Variants in ZCCHC24 observed in about 807,000 individuals in gnomAD.
ZCCHC24 encodes the protein zinc finger CCHC-type containing 24.
ZCCHC24 carries 10 observed loss-of-function variants against 26.2 expected under a neutral mutation model. The observed-to-expected ratio is 0.38, with a 90% CI of 0.24 to 0.65. ZCCHC24 has a LOEUF of 0.65. ZCCHC24 is among the 30% of genes least tolerant of loss of function. ZCCHC24 has a pLI of 0.54. For missense variants in ZCCHC24, 243 were observed against 329.1 expected (o/e 0.74, Z 2.03); for synonymous variants, 144 against 147.1 (o/e 0.98, Z 0.15).
Position 79,386,324 on chromosome 10 carries a change from T to C in ZCCHC24, c.*21A>G, listed in dbSNP as rs1244715645. ...TCCTCGGGCTGGCGGGGGGTGGCTCTGGGTGCGGGCGGGCAGCCCGTCACT... is the reference window on the plus strand; with the variant it reads ...TCCTCGGGCTGGCGGGGGGTGGCTCCGGGTGCGGGCGGGCAGCCCGTCACT... On this transcript the variant is annotated 3_prime_UTR_variant, in exon 4 of 4. Coordinates refer to ENST00000372336, the MANE Select transcript of ZCCHC24 (RefSeq NM_153367.4). 1.2e-6 allele frequency: 2 copies of C among 1,608,562 alleles called. No individual in the cohort carries two copies. Among genetic ancestry groups the C allele is most frequent in the Middle Eastern group, 1.7e-4 (1 of 6,054 alleles).
intron 1 of ZCCHC24, chr10:79,444,103 G>A: frequency 1.3e-6 from 2 of 1,544,848 alleles, no homozygotes; most frequent in Non-Finnish European, 1.7e-6. Flanking sequence ...AAAACTCACC[G>A]GTGTGCCCAG....
At chr10:79,441,764 A>G (rs1178928155) in intron 1 of ZCCHC24, among the ~76,000 whole-genome samples, 1 of 152,166 alleles carries the variant, frequency 6.6e-6, no homozygotes, top group African/African-American at 2.4e-5. Context: ...GGGTCTCTTG[A>G]CAGTAGGGCC....
At chr10:79,397,393 G>A (rs916903810) in intron 2 of ZCCHC24, among the ~76,000 whole-genome samples, 2 of 152,176 alleles carry the variant, frequency 1.3e-5, no homozygotes, top group Non-Finnish European at 2.9e-5. Flanking sequence ...AGGGGTCAAC[G>A]TGTGCCTCTG....
At chr10:79,388,224 G>A (rs1455837467) in intron 3 of ZCCHC24, among the ~76,000 whole-genome samples, 1 of 152,134 alleles carries the variant, frequency 6.6e-6, no homozygotes, top group African/African-American at 2.4e-5. Context: ...CAAACAGCCC[G>A]GCATGCAGAA....
At chr10:79,410,173 C>G (rs1156251591) in intron 2 of ZCCHC24, among the ~76,000 whole-genome samples, 1 of 152,244 alleles carries the variant, frequency 6.6e-6, no homozygotes, top group Non-Finnish European at 1.5e-5. Flanking sequence ...CTTCATTTGT[C>G]TCTACTCAAG....
chr10:79,430,159 T>G (rs1857106059), intron 2 of ZCCHC24, among the ~76,000 whole-genome samples: 1 of 152,182 alleles, frequency 6.6e-6, no homozygotes. Flanking sequence ...CATGCATAGT[T>G]TCACTATGTC....
intron 2 of ZCCHC24, among the ~76,000 whole-genome samples, chr10:79,400,194 C>T (rs1856610725): frequency 6.6e-6 from 1 of 152,214 alleles, no homozygotes. Flanking sequence ...AAAAAATGTG[C>T]ATTCCTTATC....
intron 2 of ZCCHC24, among the ~76,000 whole-genome samples, chr10:79,409,859 CA>C (rs561335228): frequency 5.9e-5 from 9 of 152,350 alleles, no homozygotes; most frequent in African/African-American, 2.2e-4. Flanking sequence ...TTTGGAGGAG[CA>C]GGGGGAGGAC....
chr10:79,439,350 T>C (rs1378608190), intron 1 of ZCCHC24, among the ~76,000 whole-genome samples: 1 of 152,096 alleles, frequency 6.6e-6, no homozygotes. Context: ...TCGATACATA[T>C]TTTTTTCTGT....
Position 79,394,755 on chromosome 10 carries a change from G to C in ZCCHC24, c.448-315C>G, listed in dbSNP as rs551316939. The C allele has an allele frequency of 1.6e-5, 10 of 610,148 alleles. No homozygotes were observed. In the South Asian group the frequency reaches 7.2e-4, roughly 44 times the overall value. 37.8% of individuals were successfully genotyped at this position (610,148 alleles called of 1,614,324 possible). On this transcript the variant is annotated intron_variant, in intron 2 of 3. Coordinates refer to ENST00000372336, the MANE Select transcript of ZCCHC24 (RefSeq NM_153367.4). ...ACTTCCTTAACTCACACGTCATCAA[G>C]GGCAGCTGGTCTCATGGGCCTGCAC...
At chr10:79,429,852 G>C (rs971496341) in intron 2 of ZCCHC24, among the ~76,000 whole-genome samples, 15 of 152,106 alleles carry the variant, frequency 9.9e-5, no homozygotes, top group African/African-American at 3.4e-4. Flanking sequence ...GTTTATAAAA[G>C]CCCTGTCAAC....
intron 1 of ZCCHC24, among the ~76,000 whole-genome samples, chr10:79,440,676 A>G (rs7086488): frequency 0.6 from 91,147 of 151,956 alleles, 27,690 homozygotes; most frequent in African/African-American, 0.7. Context: ...CAAAAAATGG[A>G]AGCTATGAGG....
In ZCCHC24 at chr10:79,445,605, G is replaced by A; in HGVS notation, c.-165C>T. ...CGCGCTGCCCGCAGCCGCTGCCGCTGCCGCCGCCTCCCCCCGACTGCGGCC... is the reference window on the plus strand; with the variant it reads ...CGCGCTGCCCGCAGCCGCTGCCGCTACCGCCGCCTCCCCCCGACTGCGGCC... On this transcript the variant is annotated 5_prime_UTR_variant, in exon 1 of 4. Transcript: ENST00000372336. 3 of 476,924 alleles carry A rather than the reference G, an allele frequency of 6.3e-6. No homozygotes were observed. Among genetic ancestry groups the A allele is most frequent in the Non-Finnish European group, 8.3e-6 (3 of 362,746 alleles). The allele number at this position is 476,924 out of a possible 1,614,324, so 29.5% of individuals were successfully genotyped here. A position where few individuals can be genotyped will look rare whatever the true frequency, so the allele number is the denominator to read the frequency against.
chr10:79,417,058 T>C (rs994027945), intron 2 of ZCCHC24, among the ~76,000 whole-genome samples: 2 of 152,222 alleles, frequency 1.3e-5, no homozygotes, highest in Non-Finnish European at 2.9e-5. Flanking sequence ...TGCCAGGTGC[T>C]GCGCTAAGTG....
At chr10:79,424,545 T>A (rs549621741) in intron 2 of ZCCHC24, among the ~76,000 whole-genome samples, 1 of 152,284 alleles carries the variant, frequency 6.6e-6, no homozygotes, top group Admixed American at 6.5e-5. Context: ...CTGTCTTGTG[T>A]CCAGTCATCA....
chr10:79,424,356 T>C (rs1856998049), intron 2 of ZCCHC24, among the ~76,000 whole-genome samples: 1 of 152,218 alleles, frequency 6.6e-6, no homozygotes, highest in Non-Finnish European at 1.5e-5. Flanking sequence ...CGAGCCTACC[T>C]GTTTATGCAC....
At chr10:79,434,573 T>A (rs1352289926) in intron 1 of ZCCHC24, among the ~76,000 whole-genome samples, 1 of 152,190 alleles carries the variant, frequency 6.6e-6, no homozygotes, top group Non-Finnish European at 1.5e-5. Context: ...CACAACTCTA[T>A]GAGTCACTAT....
Position 79,386,242 on chromosome 10 carries a change from G to T in ZCCHC24, c.*103C>A. The T allele has an allele frequency of 9.1e-7, 1 of 1,094,482 alleles. No homozygotes were observed. Among genetic ancestry groups the T allele is most frequent in the Non-Finnish European group, 1.4e-6 (1 of 735,654 alleles). The allele number at this position is 1,094,482 out of a possible 1,614,324, so 67.8% of individuals were successfully genotyped here. On this transcript the variant is annotated 3_prime_UTR_variant, in exon 4 of 4. Transcript: ENST00000372336. ...GGCCCAGCCCCGCAGGCCTGCGAGG[G>T]CACCCCATGCACAGGGCGACACGCA...
At chr10:79,443,242 G>A (rs1330213471) in intron 1 of ZCCHC24, among the ~76,000 whole-genome samples, 1 of 152,168 alleles carries the variant, frequency 6.6e-6, no homozygotes. Context: ...AAGTGACAGA[G>A]GGCAGTTCTC....
Sources: allele counts gnomAD v4.1 joint callset (sites outside exome capture counted in the v4.1 genomes callset), GRCh38; gene constraint gnomAD v4.1.1; transcripts MANE v1.5; gene names NCBI Gene and HGNC (gene_info 2026-07-23, HGNC 2026-07-21).